PCDHGB4: variants seen among roughly 807,000 people sequenced by gnomAD.
PCDHGB4 encodes the protein protocadherin gamma-B4.
Under a neutral mutation model 60.5 loss-of-function variants are expected in PCDHGB4, and 38 were observed. The observed-to-expected ratio is 0.63, with a 90% CI of 0.48 to 0.82. PCDHGB4 has a LOEUF of 0.82. Ranked by LOEUF, PCDHGB4 falls within the 40% of genes least tolerant of loss-of-function variation. The pLI, the probability that PCDHGB4 is intolerant of heterozygous loss-of-function variation, is 0.00. For missense variants in PCDHGB4, 1,109 were observed against 1,209.6 expected, an observed-to-expected ratio of 0.92 and a Z score of 1.23; for synonymous variants, 456 against 509.7, an observed-to-expected ratio of 0.89 and a Z score of 1.42.
intron 1 of PCDHGB4, chr5:141,415,888 T>C: frequency 1.1e-6 from 1 of 940,220 alleles, no homozygotes; most frequent in South Asian, 2.9e-5. Flanking sequence ...ATATTGACAA[T>C]TCCTAAGACA....
rs1228676619 is a variant in PCDHGB4, at chr5:141,388,743, A to T, written c.859A>T (p.Ile287Phe). 3 of 1,614,034 alleles carry T rather than the reference A, an allele frequency of 1.9e-6. No homozygotes were observed. The Admixed American group carries it at 5.0e-5, about 27-fold the overall frequency. Residue 287 changes from isoleucine to phenylalanine, a missense_variant, in exon 1 of 4, where the codon ATC becomes TTC. This residue lies in a region of PCDHGB4 where 1,068 missense variants were observed against 1,089.9 expected (regional missense o/e 0.98). Coordinates refer to ENST00000519479, the MANE Select transcript of PCDHGB4 (RefSeq NM_003736.4). ...ITFSFSEASQ[I>F]TQFDLNSNTG... ...TTTCTCTTTCAGTGAAGCTAGCCAG[A>T]TCACCCAATTTGACCTGAACTCTAA...
chr5:141,411,538 C>G (rs1418802121), intron 1 of PCDHGB4: 1 of 152,268 alleles, frequency 6.6e-6, no homozygotes, highest in Non-Finnish European at 1.5e-5. Context: ...GAGCCCTGAT[C>G]TTGCCACTGC....
At chr5:141,428,112 A>G (rs2097111373) in intron 1 of PCDHGB4, 1 of 1,607,642 alleles carries the variant, frequency 6.2e-7, no homozygotes, top group Non-Finnish European at 8.5e-7. Context: ...GCTGCAGGCC[A>G]TCGAGCCCGG....
At chr5:141,500,256 T>C (rs1045685908) in intron 2 of PCDHGB4, among the ~76,000 whole-genome samples, 1 of 151,676 alleles carries the variant, frequency 6.6e-6, no homozygotes, top group Non-Finnish European at 1.5e-5. Flanking sequence ...TCACCCAGGC[T>C]GGACTGCAGT....
rs967535805 is a variant in PCDHGB4 at position 141,490,206 on chromosome 5, C to T, written c.2398-4601C>T. 2.4e-5 allele frequency: 38 copies of T among 1,614,050 alleles called. No homozygotes were observed. In the Admixed American group the frequency reaches 5.0e-4, roughly 21 times the overall value. ...GTTTCTATGAAATTCATGCAAGAGCCCGTGACCAGGGACAGCCTGCCATGG... is the reference window on the plus strand; with the variant it reads ...GTTTCTATGAAATTCATGCAAGAGCTCGTGACCAGGGACAGCCTGCCATGG... On this transcript the variant is annotated intron_variant, in intron 1 of 3. Coordinates refer to ENST00000519479, the MANE Select transcript of PCDHGB4 (RefSeq NM_003736.4). This position sits in a 1 kb window ranked among gnomAD's most constrained non-coding sequence, Gnocchi z 5.4.
intron 1 of PCDHGB4, among the ~76,000 whole-genome samples, chr5:141,492,922 T>C (rs1191111432): frequency 1.3e-5 from 2 of 152,194 alleles, no homozygotes; most frequent in Non-Finnish European, 2.9e-5. Context: ...TGCCCAGCGA[T>C]CTAGGGTCAG....
intron 2 of PCDHGB4, 70 bp downstream of exon 2, chr5:141,494,935 G>T (rs1456805368): frequency 2.5e-6 from 4 of 1,612,364 alleles, no homozygotes; most frequent in African/African-American, 1.3e-5. Context: ...GGGAGGAGAT[G>T]GGGGAGGGCC....
At chr5:141,422,745 C>G (rs1380262961) in intron 1 of PCDHGB4, 15 of 1,610,564 alleles carry the variant, frequency 9.3e-6, no homozygotes, top group Non-Finnish European at 1.3e-5. Flanking sequence ...CCTCCTATGT[C>G]TCTATTAACT....
intron 2 of PCDHGB4, 37 bp downstream of exon 2, chr5:141,494,902 C>T (rs2099757367): frequency 1.9e-6 from 3 of 1,614,024 alleles, no homozygotes; most frequent in Non-Finnish European, 2.5e-6. Flanking sequence ...CTCTTCTCTG[C>T]GGCATTTTCT....
chr5:141,415,863 G>A, intron 1 of PCDHGB4: 4 of 1,107,154 alleles, frequency 3.6e-6, no homozygotes, highest in Non-Finnish European at 4.7e-6. Flanking sequence ...GTAGTTTATA[G>A]TGTTGTTGAG....
chr5:141,505,628 A>C, intron 3 of PCDHGB4, 147 bp downstream of exon 3: 1 of 1,481,752 alleles, frequency 6.7e-7, no homozygotes, highest in Non-Finnish European at 9.0e-7. Flanking sequence ...ACAATTCCAA[A>C]CATAAAGCCT....
At position 141,477,761 on chromosome 5, in the gene PCDHGB4, AC is replaced by A. The variant is rs754006143; in HGVS notation, c.2398-17044del. ...CGATGGGGGCACCCCGGTCCTAGCC[AC>A]CAACATCAGCGTGAACATATTTGTC... On this transcript the variant is annotated intron_variant, in intron 1 of 3. Coordinates refer to ENST00000519479, the MANE Select transcript of PCDHGB4 (RefSeq NM_003736.4). This position sits in a 1 kb window ranked among gnomAD's most constrained non-coding sequence, Gnocchi z 4.9. 5 of 1,613,854 alleles carry A rather than the reference AC, an allele frequency of 3.1e-6. No homozygotes were observed. Among genetic ancestry groups the A allele is most frequent in the Non-Finnish European group, 4.2e-6 (5 of 1,180,044 alleles).
intron 1 of PCDHGB4, chr5:141,393,135 A>T: frequency 6.2e-7 from 1 of 1,613,294 alleles, no homozygotes; most frequent in Non-Finnish European, 8.5e-7. Context: ...AAATATTAAC[A>T]CCCTGGTTGA....
chr5:141,415,684 A>G, intron 1 of PCDHGB4: 2 of 1,437,842 alleles, frequency 1.4e-6, no homozygotes, highest in Non-Finnish European at 1.9e-6. Flanking sequence ...TTGCGGCATG[A>G]TGGTGGAAAG....
intron 1 of PCDHGB4, among the ~76,000 whole-genome samples, chr5:141,465,788 T>A (rs1322471400): frequency 6.6e-6 from 1 of 152,110 alleles, no homozygotes; most frequent in Non-Finnish European, 1.5e-5. Context: ...AGTTTTTTTT[T>A]TTTTAAGAAA....
At chr5:141,401,566 C>G (rs2094168998) in intron 1 of PCDHGB4, among the ~76,000 whole-genome samples, 1 of 152,312 alleles carries the variant, frequency 6.6e-6, no homozygotes, top group African/African-American at 2.4e-5. Context: ...CTGAATTTCT[C>G]TTGCTCGGAA....
chr5:141,441,838 C>T, intron 1 of PCDHGB4: 4 of 355,582 alleles, frequency 1.1e-5, no homozygotes, highest in South Asian at 9.6e-5. Flanking sequence ...TGGCTTCGCG[C>T]TCTTGGATAT....
chr5:141,475,821 G>T, intron 1 of PCDHGB4: 1 of 352,534 alleles, frequency 2.8e-6, no homozygotes, highest in Non-Finnish European at 5.1e-6. Context: ...AGTTCCTGGC[G>T]CTAGCGCGTG....
At chr5:141,394,425 G>A (rs2092997484) in intron 1 of PCDHGB4, 6 of 1,614,232 alleles carry the variant, frequency 3.7e-6, no homozygotes, top group Non-Finnish European at 5.1e-6. Flanking sequence ...CAGCGACAGC[G>A]GGGACCCGCC....
Sources: allele counts gnomAD v4.1 joint callset (sites outside exome capture counted in the v4.1 genomes callset), GRCh38; gene constraint gnomAD v4.1.1; regional missense constraint gnomAD v4.1.1; non-coding constraint Gnocchi (gnomAD v3.1); transcripts MANE v1.5; gene names NCBI Gene and HGNC (gene_info 2026-07-23, HGNC 2026-07-21).